UBA3: variants seen among roughly 807,000 people sequenced by gnomAD.
UBA3 encodes the protein ubiquitin like modifier activating enzyme 3.
A neutral mutation model predicts 73.5 loss-of-function variants in UBA3; 26 were observed. That is an observed-to-expected ratio of 0.35 (90% CI 0.26 to 0.49). UBA3 has a LOEUF of 0.49. UBA3 is among the 20% of genes least tolerant of loss of function. The pLI is 0.98. For synonymous variants in UBA3, 217 were observed against 191.2 expected (o/e 1.13, Z -1.11); for missense variants, 495 against 555.6 (o/e 0.89, Z 1.10).
At chr3:69,065,014 CTCAG>C (rs1339748254) in intron 6 of UBA3, among the ~76,000 whole-genome samples, 2 of 152,018 alleles carry the variant, frequency 1.3e-5, no homozygotes, top group Non-Finnish European at 2.9e-5. Flanking sequence ...AATTCTAGCC[CTCAG>C]TCATTCAGAC....
At chr3:69,080,225 G>A in intron 1 of UBA3, 72 bp from the exon 2 acceptor site, 3 of 1,452,146 alleles carry the variant, frequency 2.1e-6, no homozygotes, top group Non-Finnish European at 1.9e-6. Flanking sequence ...GGGGGCGAGG[G>A]GACGGGGCGG....
chr3:69,064,239 A>C, intron 6 of UBA3, 128 bp from the exon 7 acceptor site: 2 of 718,102 alleles, frequency 2.8e-6, no homozygotes, highest in Non-Finnish European at 4.3e-6. Context: ...ACATCAGTGG[A>C]ATTCAAGGAA....
intron 4 of UBA3, among the ~76,000 whole-genome samples, chr3:69,072,938 C>T (rs1388471980): frequency 6.6e-6 from 1 of 152,118 alleles, no homozygotes; most frequent in Admixed American, 6.5e-5. Flanking sequence ...CTGTTGATTC[C>T]ATCTTCAAAA....
chr3:69,057,098 C>CA (rs2091980248), intron 12 of UBA3, among the ~76,000 whole-genome samples, 158 bp downstream of exon 12: 1 of 152,060 alleles, frequency 6.6e-6, no homozygotes, highest in Non-Finnish European at 1.5e-5. Context: ...TAATGTAAGA[C>CA]AAAAAATATG....
chr3:69,056,319 A>G (rs1360958064), intron 14 of UBA3, 36 bp from the exon 15 acceptor site: 3 of 1,400,546 alleles, frequency 2.1e-6, no homozygotes, highest in Non-Finnish European at 2.9e-6. Flanking sequence ...ACAGCAGCAC[A>G]TGCACCAATA....
intron 16 of UBA3, 30 bp downstream of exon 16, chr3:69,055,970 T>C (rs1395976820): frequency 6.3e-7 from 1 of 1,597,524 alleles, no homozygotes; most frequent in African/African-American, 1.4e-5. Context: ...TATAATTTTC[T>C]GAAAAAAATT....
At chr3:69,072,332 A>T (rs1469996975) in intron 4 of UBA3, among the ~76,000 whole-genome samples, 1 of 152,172 alleles carries the variant, frequency 6.6e-6, no homozygotes, top group Non-Finnish European at 1.5e-5. Flanking sequence ...CTTGACAATA[A>T]TTTCCTCATT....
chr3:69,061,225 G>A (rs1391066333), intron 11 of UBA3, among the ~76,000 whole-genome samples: 1 of 152,228 alleles, frequency 6.6e-6, no homozygotes, highest in Non-Finnish European at 1.5e-5. Flanking sequence ...ACGAAGTTTT[G>A]CTCTTGTTGC....
intron 17 of UBA3, 102 bp from the exon 18 acceptor site, chr3:69,055,627 C>A: frequency 1.0e-6 from 1 of 962,288 alleles, no homozygotes; most frequent in South Asian, 1.6e-5. Flanking sequence ...AGAAAAACAT[C>A]AAAATCCAAT....
At chr3:69,065,221 G>A (rs558861303) in intron 6 of UBA3, among the ~76,000 whole-genome samples, 3 of 151,912 alleles carry the variant, frequency 2.0e-5, no homozygotes, top group Non-Finnish European at 2.9e-5. Context: ...CAAACTGAGT[G>A]CCCCCCACTA....
chr3:69,063,135 T>A lies in UBA3; in HGVS notation c.540A>T (p.Ile180=). 6.2e-7 allele frequency: 1 copy of A among 1,613,552 alleles called. No homozygotes were observed. The highest frequency in any genetic ancestry group is 8.5e-7 in the Non-Finnish European group (1 of 1,179,818). ...CACCATCTTCATAATTTAGAAGAGATATCTAGGAAAACAATTTGAAGGGCT... is the reference window on the plus strand; with the variant it reads ...CACCATCTTCATAATTTAGAAGAGAAATCTAGGAAAACAATTTGAAGGGCT... ...IARRWINGML[I]SLLNYEDGVL... Residue 180 remains isoleucine, a splice_region_variant and synonymous_variant, in exon 9 of 18, where the codon ATA becomes ATT. Coordinates refer to ENST00000361055, the MANE Select transcript of UBA3 (RefSeq NM_003968.4).
intron 6 of UBA3, among the ~76,000 whole-genome samples, chr3:69,067,514 A>C (rs931824383): frequency 3.0e-4 from 45 of 152,330 alleles, no homozygotes; most frequent in African/African-American, 1.0e-3. Flanking sequence ...TCTTGTAAAA[A>C]TAAATTTACT....
intron 3 of UBA3, chr3:69,077,346 G>A (rs1456633347): frequency 1.3e-5 from 2 of 152,706 alleles, no homozygotes; most frequent in Admixed American, 1.3e-4. Flanking sequence ...CCTTAAGATA[G>A]ACACTATCAG....
chr3:69,064,767 T>C (rs1229216378), intron 6 of UBA3, among the ~76,000 whole-genome samples: 1 of 152,194 alleles, frequency 6.6e-6, no homozygotes, highest in Non-Finnish European at 1.5e-5. Flanking sequence ...ATATAGCACT[T>C]AATGTTTTAA....
rs748839951 is a variant in UBA3, at chr3:69,077,900, C to G, written c.81G>C (p.Gly27=). Residue 27 remains glycine, a synonymous_variant, in exon 3 of 18, where the codon GGG becomes GGC. Coordinates refer to ENST00000361055, the MANE Select transcript of UBA3 (RefSeq NM_003968.4). ...LLAEKMAVDG[G]CGDTGDWEGR... ...CTTCCCAGTCTCCAGTGTCCCCACA[C>G]CCACCATCAACAGCCATTCTGCACA... 1 of 1,614,068 alleles carries G rather than the reference C, an allele frequency of 6.2e-7. No homozygotes were observed. The highest frequency in any genetic ancestry group is 1.7e-5 in the Admixed American group (1 of 60,000).
intron 16 of UBA3, 23 bp downstream of exon 16, chr3:69,055,977 A>G (rs1392800259): frequency 1.2e-6 from 2 of 1,600,930 alleles, no homozygotes; most frequent in Non-Finnish European, 1.7e-6. Flanking sequence ...TTCTGAAAAA[A>G]ATTTAAAATA....
At chr3:69,063,533 T>G in intron 7 of UBA3, 30 bp from the exon 8 acceptor site, 1 of 1,519,638 alleles carries the variant, frequency 6.6e-7, no homozygotes, top group Middle Eastern at 1.7e-4. Flanking sequence ...CAACTTTAGT[T>G]TTTAAATATG....
At chr3:69,064,362 G>T (rs1263417508) in intron 6 of UBA3, among the ~76,000 whole-genome samples, 3 of 152,016 alleles carry the variant, frequency 2.0e-5, no homozygotes. Context: ...TTATGCCCTT[G>T]GTAGGAGGTA....
intron 11 of UBA3, among the ~76,000 whole-genome samples, chr3:69,057,720 A>C (rs1439575608): frequency 6.6e-6 from 1 of 152,174 alleles, no homozygotes; most frequent in African/African-American, 2.4e-5. Flanking sequence ...TATACTTAGC[A>C]AGAGGTGGGG....
Sources: allele counts gnomAD v4.1 joint callset (sites outside exome capture counted in the v4.1 genomes callset), GRCh38; gene constraint gnomAD v4.1.1; transcripts MANE v1.5; gene names NCBI Gene and HGNC (gene_info 2026-07-23, HGNC 2026-07-21).